The following NIPAL2 variants were observed in gnomAD, a reference collection of about 807,000 sequenced individuals.
NIPAL2 encodes NIPA-like protein 2.
Under a neutral mutation model 48.9 loss-of-function variants are expected in NIPAL2, and 43 were observed. The ratio of observed to expected loss-of-function variants is 0.88; its 90% CI spans 0.69 to 1.13. NIPAL2 has a LOEUF of 1.13. NIPAL2 is among the 50% of genes most tolerant of loss of function. NIPAL2 has a pLI of 0.00. For missense variants in NIPAL2, 446 were observed against 461.4 expected (o/e 0.97, Z 0.31); for synonymous variants, 167 against 174.6 (o/e 0.96, Z 0.34).
intron 1 of NIPAL2, among the ~76,000 whole-genome samples, chr8:98,259,277 G>T (rs201549079): frequency 1.3e-5 from 2 of 151,012 alleles, no homozygotes; most frequent in East Asian, 1.9e-4. Flanking sequence ...GGGTTTCACC[G>T]TGTTAGCCAG....
At chr8:98,251,833 G>A (rs976154498) in intron 3 of NIPAL2, 1 of 152,112 alleles carries the variant, frequency 6.6e-6, no homozygotes, top group Admixed American at 6.5e-5. Context: ...CAGATAAAGA[G>A]TAAAACCAAA....
At chr8:98,265,563 A>C (rs2130863894) in intron 1 of NIPAL2, among the ~76,000 whole-genome samples, 1 of 127,570 alleles carries the variant, frequency 7.8e-6, no homozygotes, top group South Asian at 3.0e-4. Context: ...AGAGAAATGC[A>C]AATCAAAACC....
intron 1 of NIPAL2, among the ~76,000 whole-genome samples, chr8:98,267,869 G>A (rs1475078388): frequency 3.3e-5 from 5 of 152,038 alleles, no homozygotes; most frequent in African/African-American, 1.2e-4. Context: ...ACCTACATGA[G>A]GCAAAAATTT....
chr8:98,231,481 A>G (rs1463835688), intron 4 of NIPAL2, among the ~76,000 whole-genome samples: 2 of 152,144 alleles, frequency 1.3e-5, no homozygotes, highest in Non-Finnish European at 1.5e-5. Context: ...TATTTCCATG[A>G]TGACTCTATC....
At chr8:98,213,320 T>C (rs1019750317) in intron 5 of NIPAL2, among the ~76,000 whole-genome samples, 1 of 152,230 alleles carries the variant, frequency 6.6e-6, no homozygotes, top group Admixed American at 6.5e-5. Flanking sequence ...TATTTTTGCA[T>C]GTTTGGACTT....
intron 2 of NIPAL2, among the ~76,000 whole-genome samples, chr8:98,252,845 C>A (rs190261199): frequency 2.0e-4 from 30 of 152,080 alleles, no homozygotes; most frequent in Non-Finnish European, 3.4e-4. Context: ...ATAGTAGTTA[C>A]CCCCCGATCC....
At chr8:98,227,086 C>A (rs1239231147) in intron 4 of NIPAL2, among the ~76,000 whole-genome samples, 1 of 152,078 alleles carries the variant, frequency 6.6e-6, no homozygotes, top group Non-Finnish European at 1.5e-5. Context: ...TGACATAAGG[C>A]CCAAAGGCTC....
intron 1 of NIPAL2, among the ~76,000 whole-genome samples, chr8:98,256,691 A>G (rs985815786): frequency 1.3e-5 from 2 of 152,090 alleles, no homozygotes; most frequent in African/African-American, 4.8e-5. Context: ...ACACTTGTGC[A>G]TTGCTGGTGG....
At chr8:98,237,060 C>T (rs572203339) in intron 3 of NIPAL2, among the ~76,000 whole-genome samples, 21 of 151,814 alleles carry the variant, frequency 1.4e-4, no homozygotes, top group Middle Eastern at 3.4e-3. Context: ...ATAGTCCACT[C>T]TATTTTTTTC....
intron 1 of NIPAL2, among the ~76,000 whole-genome samples, chr8:98,287,337 C>T (rs1816237516): frequency 6.6e-6 from 1 of 152,108 alleles, no homozygotes; most frequent in South Asian, 2.1e-4. Flanking sequence ...GAATCTCTGC[C>T]TTAGTACTTC....
chr8:98,207,895 T>G (rs754663261), intron 6 of NIPAL2, among the ~76,000 whole-genome samples: 2 of 152,244 alleles, frequency 1.3e-5, no homozygotes, highest in Non-Finnish European at 2.9e-5. Context: ...GAATTTATTT[T>G]GGCAATTCCC....
intron 3 of NIPAL2, among the ~76,000 whole-genome samples, chr8:98,244,917 C>T (rs1302087712): frequency 1.3e-5 from 2 of 152,254 alleles, no homozygotes; most frequent in East Asian, 3.9e-4. Context: ...AAAATTTCAT[C>T]CATTTTCATT....
chr8:98,279,039 C>T (rs1815643908), intron 1 of NIPAL2, among the ~76,000 whole-genome samples: 2 of 151,972 alleles, frequency 1.3e-5, no homozygotes, highest in Admixed American at 1.3e-4. Flanking sequence ...TCCTGATAAT[C>T]CTCTGTATAA....
In NIPAL2 at chr8:98,251,322, G is replaced by A. The variant is rs553941975; in HGVS notation, c.376+1141C>T. 2.3e-4 allele frequency among the ~76,000 whole-genome samples: 35 copies of A among 152,240 alleles called. No homozygotes were observed. In the South Asian group the frequency reaches 7.3e-3, roughly 32 times the overall value. On this transcript the variant is annotated intron_variant, in intron 3 of 10. Coordinates refer to ENST00000430223, the MANE Select transcript of NIPAL2 (RefSeq NM_001321635.2). ...CATCATATAACTAGATCTTTTATCT[G>A]TTATTTCCCAGATTTTGAAAACATA...
chr8:98,224,210 G>A (rs1463677572), intron 4 of NIPAL2, among the ~76,000 whole-genome samples: 1 of 152,172 alleles, frequency 6.6e-6, no homozygotes, highest in Non-Finnish European at 1.5e-5. Flanking sequence ...GGTGATTGGT[G>A]GAAAGTTAAA....
chr8:98,196,834 G>A (rs10095850), intron 8 of NIPAL2, among the ~76,000 whole-genome samples: 65,595 of 152,024 alleles, frequency 0.43, 14,644 homozygotes, highest in East Asian at 0.6. Flanking sequence ...ACAAGACAGA[G>A]ACCTATCCTC....
chr8:98,239,896 A>T (rs1812899884), intron 3 of NIPAL2, among the ~76,000 whole-genome samples: 1 of 152,220 alleles, frequency 6.6e-6, no homozygotes, highest in African/African-American at 2.4e-5. Context: ...AGTTTTTCAA[A>T]TGAGAAAAAC....
At chr8:98,245,374 T>C (rs1484844685) in intron 3 of NIPAL2, among the ~76,000 whole-genome samples, 3 of 152,222 alleles carry the variant, frequency 2.0e-5, no homozygotes, top group Non-Finnish European at 4.4e-5. Context: ...TATCTGAGGA[T>C]ATGTCAGTTT....
chr8:98,275,298 C>T (rs1294032795), intron 1 of NIPAL2, among the ~76,000 whole-genome samples: 2 of 152,132 alleles, frequency 1.3e-5, no homozygotes, highest in East Asian at 3.9e-4. Context: ...CTACCAACCA[C>T]AATCCAATCC....
Sources: allele counts gnomAD v4.1 joint callset (sites outside exome capture counted in the v4.1 genomes callset), GRCh38; gene constraint gnomAD v4.1.1; transcripts MANE v1.5; gene names NCBI Gene and HGNC (gene_info 2026-07-23, HGNC 2026-07-21).